The following ANKS6 variants were observed in gnomAD, a reference collection of about 807,000 sequenced individuals.
ANKS6 encodes the protein ankyrin repeat and SAM domain-containing protein 6.
ANKS6 carries 47 observed loss-of-function variants against 77.9 expected under a neutral mutation model. The observed-to-expected ratio is 0.60, with a 90% CI of 0.48 to 0.77. The LOEUF is 0.77. Among genes scored for constraint, ANKS6 ranks in the 30% least tolerant of loss-of-function variants. The pLI, the probability that ANKS6 is intolerant of heterozygous loss-of-function variation, is 0.00. For missense variants in ANKS6, 1,150 were observed against 1,159.1 expected (o/e 0.99, Z 0.11); for synonymous variants, 488 against 501.7 (o/e 0.97, Z 0.37).
intron 2 of ANKS6, chr9:98,789,897 C>T (rs1834795204): frequency 3.0e-6 from 2 of 660,092 alleles, no homozygotes; most frequent in Non-Finnish European, 4.6e-6. Context: ...CCCAGGGCTA[C>T]CAAATCACTC....
chr9:98,736,686 T>C (rs1206346415), intron 14 of ANKS6, 63 bp from the exon 15 acceptor site: 9 of 1,525,296 alleles, frequency 5.9e-6, no homozygotes, highest in Middle Eastern at 1.7e-4. Context: ...ATTAATTCAA[T>C]TGACACAGTG....
intron 11 of ANKS6, among the ~76,000 whole-genome samples, chr9:98,761,098 T>C (rs2117963237): frequency 6.6e-6 from 1 of 152,384 alleles, no homozygotes; most frequent in African/African-American, 2.4e-5. Flanking sequence ...AGCTCTATCT[T>C]AATTATGGTT....
At chr9:98,795,770 C>T (rs1031642283) in intron 1 of ANKS6, among the ~76,000 whole-genome samples, 6 of 152,194 alleles carry the variant, frequency 3.9e-5, no homozygotes, top group Admixed American at 2.6e-4. Context: ...TGGGTGGGGA[C>T]TCTGCCTGGG....
At chr9:98,765,791 C>T (rs991617597) in intron 11 of ANKS6, among the ~76,000 whole-genome samples, 2 of 152,142 alleles carry the variant, frequency 1.3e-5, no homozygotes, top group Admixed American at 6.5e-5. Context: ...CTGCTAGATG[C>T]CATGCCTTGT....
At chr9:98,792,182 C>A (rs569809847) in intron 1 of ANKS6, among the ~76,000 whole-genome samples, 87 of 152,200 alleles carry the variant, frequency 5.7e-4, no homozygotes, top group African/African-American at 2.0e-3. Context: ...CCTGACCCCA[C>A]CAGAGGACTC....
At chr9:98,768,869 C>T (rs1833460688) in intron 10 of ANKS6, among the ~76,000 whole-genome samples, 1 of 152,198 alleles carries the variant, frequency 6.6e-6, no homozygotes, top group African/African-American at 2.4e-5. Flanking sequence ...GTGGCTCACG[C>T]CTGTAATCCC....
intron 8 of ANKS6, 111 bp from the exon 9 acceptor site, chr9:98,774,191 T>C: frequency 2.0e-6 from 2 of 989,586 alleles, no homozygotes; most frequent in South Asian, 2.6e-5. Flanking sequence ...CATCCACCCC[T>C]CCACCCAAGC....
chr9:98,770,756 T>C, intron 10 of ANKS6, 140 bp downstream of exon 10: 1 of 915,128 alleles, frequency 1.1e-6, no homozygotes, highest in East Asian at 3.3e-5. Flanking sequence ...CACTGAAAAA[T>C]CTCTTAGCCA....
Position 98,773,906 on chromosome 9 carries a change from G to A in ANKS6, c.1792C>T (p.His598Tyr), listed in dbSNP as rs1833773595. The change falls in exon 9 of 15, where the codon CAC (histidine) becomes TAC (tyrosine). Residue 598 changes from histidine (H) to tyrosine (Y), a missense_variant. Physicochemically the swap from His to Tyr is moderately conservative, Grantham distance 83. Transcript: ENST00000353234. The part of the protein sequence containing the change: ...TALPQRASRG[H>Y]PVGGGGTDTT... ...TCTGTGCCCCCGCCGCCCACGGGGT[G>A]GCCCCTGCTGGCTCTCTGGGGCAGC... is the stretch of plus-strand genomic sequence containing the variant. The A allele has an allele frequency of 6.3e-7, 1 of 1,583,924 alleles. No individual in the cohort carries two copies. Among genetic ancestry groups the A allele is most frequent in the Non-Finnish European group, 8.6e-7 (1 of 1,169,340 alleles).
Position 98,774,053 on chromosome 9 carries a change from G to A in ANKS6, c.1645C>T (p.Leu549Phe). Residue 549 changes from leucine to phenylalanine, a missense_variant, in exon 9 of 15, where the codon CTC becomes TTC. By Grantham distance (22) the Leu-to-Phe change is conservative. Transcript: ENST00000353234. ...ACTGCTTTCAGCTTGTCACTCGGGA[G>A]TCTGGTGAGGGGAGCTCCGTTTCGA... ...MLRNGAPLTRLPSDKLKAVIP... is the reference protein window; with the variant it reads ...MLRNGAPLTRFPSDKLKAVIP... 1 of 1,541,762 alleles carries A rather than the reference G, an allele frequency of 6.5e-7. No individual in the cohort carries two copies. The highest frequency in any genetic ancestry group is 1.2e-5 in the South Asian group (1 of 81,304).
At chr9:98,775,133 T>C (rs536805392) in intron 8 of ANKS6, among the ~76,000 whole-genome samples, 12 of 152,318 alleles carry the variant, frequency 7.9e-5, no homozygotes, top group African/African-American at 2.9e-4. Context: ...GCAAACGGGG[T>C]TGAGTTGGAA....
chr9:98,750,017 T>C (rs1316482704), intron 13 of ANKS6, among the ~76,000 whole-genome samples: 2 of 152,348 alleles, frequency 1.3e-5, no homozygotes, highest in East Asian at 3.9e-4. Context: ...TACTGAGATA[T>C]AATTCATCTA....
At chr9:98,759,078 A>G (rs554715277) in intron 11 of ANKS6, among the ~76,000 whole-genome samples, 1 of 152,188 alleles carries the variant, frequency 6.6e-6, no homozygotes, top group East Asian at 1.9e-4. Context: ...CATACAGTAA[A>G]AAATAGCTCT....
intron 6 of ANKS6, 72 bp downstream of exon 6, chr9:98,780,117 G>A: frequency 6.3e-7 from 1 of 1,588,842 alleles, no homozygotes; most frequent in African/African-American, 1.3e-5. Flanking sequence ...TGGGTGCATA[G>A]GAGGCAGCAG....
chr9:98,772,004 C>T (rs1450082995), intron 9 of ANKS6, among the ~76,000 whole-genome samples: 1 of 152,180 alleles, frequency 6.6e-6, no homozygotes, highest in Non-Finnish European at 1.5e-5. Context: ...CAGCTCTGGC[C>T]TCGGCACAAA....
At chr9:98,784,401 G>C (rs1834451736) in intron 3 of ANKS6, 2 of 444,260 alleles carry the variant, frequency 4.5e-6, no homozygotes, top group East Asian at 7.1e-5. Context: ...AGTGTTGTTA[G>C]TGTCTTCAGA....
intron 11 of ANKS6, among the ~76,000 whole-genome samples, chr9:98,758,130 A>G (rs775646042): frequency 4.6e-5 from 7 of 152,074 alleles, no homozygotes; most frequent in Non-Finnish European, 7.4e-5. Flanking sequence ...TAATACTTCT[A>G]TAAGGAAGAG....
Position 98,791,589 on chromosome 9 carries a change from G to A in ANKS6, c.360-983C>T, listed in dbSNP as rs75963183. Among the ~76,000 whole-genome samples, 7 of 152,136 alleles carry A rather than the reference G, an allele frequency of 4.6e-5. No individual in the cohort carries two copies. The highest frequency in any genetic ancestry group is 1.9e-4 in the East Asian group (1 of 5,200). ...AGCTGTGTATCTCCAAGCTGGAAGC[G>A]GCCCTGGACTAACAAGAAAACAATG... On this transcript the variant is annotated intron_variant, in intron 1 of 14. Coordinates refer to ENST00000353234, the MANE Select transcript of ANKS6 (RefSeq NM_173551.5). This position sits in a 1 kb window ranked among gnomAD's most constrained non-coding sequence, Gnocchi z 4.3.
At chr9:98,753,165 T>C (rs1832519884) in intron 12 of ANKS6, among the ~76,000 whole-genome samples, 1 of 152,208 alleles carries the variant, frequency 6.6e-6, no homozygotes, top group African/African-American at 2.4e-5. Context: ...ATATTCTTTC[T>C]TATAAATTCC....
Sources: gnomAD v4.1 joint callset for allele counts (sites outside exome capture counted in the v4.1 genomes callset) on GRCh38, gnomAD v4.1.1 for gene constraint, Gnocchi (gnomAD v3.1) non-coding constraint, MANE v1.5 for transcripts, NCBI Gene and HGNC (gene_info 2026-07-23, HGNC 2026-07-21) for gene names.